Variants in GRK5 observed in about 807,000 individuals in gnomAD.
GRK5 encodes G protein-coupled receptor kinase 5.
A neutral mutation model predicts 78.4 loss-of-function variants in GRK5; 40 were observed. The observed-to-expected ratio is 0.51, with a 90% CI of 0.40 to 0.66. The LOEUF is 0.66. Among genes scored for constraint, GRK5 ranks in the 30% least tolerant of loss-of-function variants. The pLI, the probability that GRK5 is intolerant of heterozygous loss-of-function variation, is 0.00. For synonymous variants in GRK5, 289 were observed against 296.8 expected, an observed-to-expected ratio of 0.97 and a Z score of 0.27; for missense variants, 598 against 759.9, an observed-to-expected ratio of 0.79 and a Z score of 2.50.
rs770469513 is a variant in GRK5 at position 119,430,351 on chromosome 10, G to C, written c.534-24G>C. On this transcript the variant is annotated intron_variant, in intron 6 of 15. Coordinates refer to ENST00000392870, the MANE Select transcript of GRK5 (RefSeq NM_005308.3). The surrounding 1 kb of genome is among the most constrained non-coding windows in gnomAD (Gnocchi z 4.5). ...TCTGAGTCTTGGCACCATGAGACCA[G>C]TGTGGGATTCTTCTTTCTTCCAGGC... 70 of 1,607,946 alleles carry C rather than the reference G, an allele frequency of 4.4e-5. No individual in the cohort carries two copies. Among genetic ancestry groups the C allele is most frequent in the Non-Finnish European group, 5.7e-5 (67 of 1,174,640 alleles).
chr10:119,358,520 G>A (rs947825975), intron 2 of GRK5, among the ~76,000 whole-genome samples: 1 of 152,122 alleles, frequency 6.6e-6, no homozygotes, highest in Non-Finnish European at 1.5e-5. Context: ...AGGCGTGCAT[G>A]GTGCATTTCC....
chr10:119,399,984 G>T (rs552230227), intron 4 of GRK5, among the ~76,000 whole-genome samples: 1 of 152,154 alleles, frequency 6.6e-6, no homozygotes, highest in Non-Finnish European at 1.5e-5. Context: ...TGTCTTTCTC[G>T]CTTCTGTATC....
chr10:119,277,206 A>G (rs560626071), intron 1 of GRK5, among the ~76,000 whole-genome samples: 2 of 152,198 alleles, frequency 1.3e-5, no homozygotes, highest in East Asian at 3.9e-4. Flanking sequence ...GGGTGCCGAC[A>G]CCTTGATCAT....
chr10:119,332,377 G>T (rs1850796680), intron 2 of GRK5, among the ~76,000 whole-genome samples: 1 of 152,176 alleles, frequency 6.6e-6, no homozygotes, highest in African/African-American at 2.4e-5. Flanking sequence ...GAAATGCTGG[G>T]ATTACAGGCG....
chr10:119,248,486 C>G lies in GRK5; in HGVS notation c.52+40517C>G, dbSNP rs574013567. 7.2e-5 allele frequency among the ~76,000 whole-genome samples: 11 copies of G among 152,086 alleles called. No individual in the cohort carries two copies. In the South Asian group the frequency reaches 2.3e-3, roughly 32 times the overall value. ...GAATTCTGTTCCTAATTTATTGAGC[C>G]ATTTCCTCACCCTTTCTTTTTGATA... is the stretch of plus-strand genomic sequence containing the variant. On this transcript the variant is annotated intron_variant, in intron 1 of 15. Coordinates refer to ENST00000392870, the MANE Select transcript of GRK5 (RefSeq NM_005308.3).
chr10:119,308,341 G>A (rs182450709), intron 1 of GRK5, among the ~76,000 whole-genome samples: 168 of 151,740 alleles, frequency 1.1e-3, no homozygotes, highest in Non-Finnish European at 2.1e-3. Context: ...CAGCCCTGCC[G>A]AAATTGTGTG....
chr10:119,321,721 G>A (rs1463526015), intron 1 of GRK5, among the ~76,000 whole-genome samples: 4 of 152,174 alleles, frequency 2.6e-5, no homozygotes, highest in African/African-American at 7.2e-5. Flanking sequence ...CCCTGAGGGC[G>A]TTATCCTGCC....
Position 119,452,806 on chromosome 10 carries a change from G to A in GRK5, c.1540G>A (p.Glu514Lys), listed in dbSNP as rs1303534029. 3 of 1,603,708 alleles carry A rather than the reference G, an allele frequency of 1.9e-6. No homozygotes were observed. The highest frequency in any genetic ancestry group is 2.3e-5 in the East Asian group (1 of 44,250). ...CTCTGTGTCCATCCCATGGCAAAACGAGGTGAGCAGGGCAGACCACTTGCT... is the reference window on the plus strand; with the variant it reads ...CTCTGTGTCCATCCCATGGCAAAACAAGGTGAGCAGGGCAGACCACTTGCT... The part of the protein sequence containing the change: ...TGSVSIPWQN[E>K]MIETECFKEL... Residue 514 changes from glutamate to lysine, a missense_variant and splice_region_variant, in exon 14 of 16, where the codon GAG becomes AAG. Physicochemically the swap from Glu to Lys is moderately conservative, Grantham distance 56 (BLOSUM62 1). Coordinates refer to ENST00000392870, the MANE Select transcript of GRK5 (RefSeq NM_005308.3). This position sits in a 1 kb window ranked among gnomAD's most constrained non-coding sequence, Gnocchi z 4.4.
intron 2 of GRK5, among the ~76,000 whole-genome samples, chr10:119,350,047 A>G (rs1851166106): frequency 6.6e-6 from 1 of 152,262 alleles, no homozygotes. Flanking sequence ...GAGCCACGAC[A>G]GCTTAACCAC....
intron 1 of GRK5, among the ~76,000 whole-genome samples, chr10:119,234,378 C>T (rs1261590895): frequency 1.3e-5 from 2 of 152,304 alleles, no homozygotes; most frequent in East Asian, 3.9e-4. Context: ...CTCTACATGT[C>T]TTATTTCAAT....
At chr10:119,347,431 G>A (rs1456843957) in intron 2 of GRK5, among the ~76,000 whole-genome samples, 1 of 152,196 alleles carries the variant, frequency 6.6e-6, no homozygotes, top group Non-Finnish European at 1.5e-5. Flanking sequence ...AAGTTTGTAT[G>A]TGTCCGTGCA....
intron 1 of GRK5, among the ~76,000 whole-genome samples, chr10:119,260,156 T>C (rs1454942619): frequency 6.6e-6 from 1 of 152,098 alleles, no homozygotes; most frequent in Non-Finnish European, 1.5e-5. Flanking sequence ...CCCACCATCA[T>C]GCCCGGCTAA....
At chr10:119,231,728 A>G (rs1589691997) in intron 1 of GRK5, among the ~76,000 whole-genome samples, 1 of 151,848 alleles carries the variant, frequency 6.6e-6, no homozygotes, top group East Asian at 1.9e-4. Context: ...AAAAAAGAAA[A>G]AAAACTCAAC....
At chr10:119,323,852 C>A (rs11599102) in intron 1 of GRK5, among the ~76,000 whole-genome samples, 104,623 of 151,806 alleles carry the variant, frequency 0.69, 37,800 homozygotes, top group Non-Finnish European at 0.79. Context: ...CCTCCCTCCT[C>A]CCCTTCCCCC....
At chr10:119,350,672 C>T (rs758985494) in intron 2 of GRK5, among the ~76,000 whole-genome samples, 5 of 152,312 alleles carry the variant, frequency 3.3e-5, no homozygotes, top group Middle Eastern at 3.4e-3. Context: ...GTCCCTGCCA[C>T]GTTTCACTGG....
chr10:119,259,353 T>C (rs3858337), intron 1 of GRK5, among the ~76,000 whole-genome samples: 147,722 of 152,276 alleles, frequency 0.97, 71,825 homozygotes, highest in South Asian at 1. Context: ...CGTGAGCCAC[T>C]GCGCCCGGCC....
At chr10:119,319,506 C>G (rs568747578) in intron 1 of GRK5, among the ~76,000 whole-genome samples, 1 of 152,256 alleles carries the variant, frequency 6.6e-6, no homozygotes, top group Non-Finnish European at 1.5e-5. Flanking sequence ...CATGCAACCT[C>G]TCCTACCTGC....
chr10:119,288,091 A>G (rs1322205168), intron 1 of GRK5, among the ~76,000 whole-genome samples: 1 of 152,210 alleles, frequency 6.6e-6, no homozygotes, highest in Non-Finnish European at 1.5e-5. Flanking sequence ...GTGGGTGTGC[A>G]GTAATCAAAC....
intron 1 of GRK5, among the ~76,000 whole-genome samples, chr10:119,312,127 G>A (rs1404267521): frequency 1.3e-5 from 2 of 152,180 alleles, no homozygotes; most frequent in African/African-American, 4.8e-5. Flanking sequence ...TAGCCAGGAT[G>A]GTCTCGATCT....
Sources: gnomAD v4.1 joint callset for allele counts (sites outside exome capture counted in the v4.1 genomes callset) on GRCh38, gnomAD v4.1.1 for gene constraint, Gnocchi (gnomAD v3.1) non-coding constraint, MANE v1.5 for transcripts, NCBI Gene and HGNC (gene_info 2026-07-23, HGNC 2026-07-21) for gene names.